The following AKT3 variants were observed in gnomAD, a reference collection of about 807,000 sequenced individuals.
AKT3 encodes the protein RAC-gamma serine/threonine-protein kinase.
A neutral mutation model predicts 65.3 loss-of-function variants in AKT3; 15 were observed. That is an observed-to-expected ratio of 0.23 (90% CI 0.15 to 0.35). The LOEUF (loss-of-function observed/expected upper bound fraction) is 0.35. Among genes scored for constraint, AKT3 ranks in the 10% least tolerant of loss-of-function variants. The pLI is 1.00. For missense variants in AKT3, 243 were observed against 576.5 expected, an observed-to-expected ratio of 0.42 and a Z score of 5.92; for synonymous variants, 206 against 183.8, an observed-to-expected ratio of 1.12 and a Z score of -0.98.
chr1:243,802,304 C>T (rs940940263), intron 2 of AKT3, among the ~76,000 whole-genome samples: 1 of 152,156 alleles, frequency 6.6e-6, no homozygotes, highest in African/African-American at 2.4e-5. Context: ...CTCTACGCTA[C>T]ATGACATGGT....
At chr1:243,573,322 G>C (rs1353994724) in intron 8 of AKT3, among the ~76,000 whole-genome samples, 1 of 152,022 alleles carries the variant, frequency 6.6e-6, no homozygotes, top group Non-Finnish European at 1.5e-5. Context: ...AGAGGAAAAA[G>C]GTATGCATCA....
chr1:243,637,219 T>C lies in AKT3; in HGVS notation c.561+392A>G, dbSNP rs531732324. Among the ~76,000 whole-genome samples the C allele has an allele frequency of 2.6e-5, 4 of 152,230 alleles. No individual in the cohort carries two copies. The South Asian group carries it at 8.3e-4, about 32-fold the overall frequency. ...CAAATCTATTTAGGATGTTTTTCCA[T>C]TCAATGTTATATAAGCTTTAGAATT... is the stretch of plus-strand genomic sequence containing the variant. On this transcript the variant is annotated intron_variant, in intron 6 of 13. Coordinates refer to ENST00000673466, the MANE Select transcript of AKT3 (RefSeq NM_005465.7).
At chr1:243,586,537 T>A (rs1675824429) in intron 8 of AKT3, among the ~76,000 whole-genome samples, 1 of 152,140 alleles carries the variant, frequency 6.6e-6, no homozygotes, top group Non-Finnish European at 1.5e-5. Context: ...CATGGAATAC[T>A]ATGCAGTCGT....
chr1:243,770,461 CT>C (rs1690107830), intron 2 of AKT3, among the ~76,000 whole-genome samples: 2 of 152,154 alleles, frequency 1.3e-5, no homozygotes, highest in South Asian at 4.1e-4. Flanking sequence ...TAGTATCATA[CT>C]TTTTTTCAAG....
At chr1:243,830,587 T>C (rs1304573925) in intron 2 of AKT3, among the ~76,000 whole-genome samples, 6 of 152,154 alleles carry the variant, frequency 3.9e-5, no homozygotes, top group Admixed American at 2.6e-4. Context: ...TGCTCAGAGC[T>C]GTTAAATAAT....
chr1:243,778,946 A>G (rs1690735153), intron 2 of AKT3, among the ~76,000 whole-genome samples: 1 of 151,250 alleles, frequency 6.6e-6, no homozygotes, highest in African/African-American at 2.4e-5. Flanking sequence ...CACTGAATGG[A>G]CCTCATCCTA....
intron 2 of AKT3, among the ~76,000 whole-genome samples, chr1:243,799,786 A>G (rs536877537): frequency 1.6e-4 from 24 of 152,344 alleles, no homozygotes; most frequent in Non-Finnish European, 2.9e-4. Flanking sequence ...AAATGTCTCT[A>G]ATTTTTAAAC....
chr1:243,756,796 GTACCTC>G (rs1558783009), intron 2 of AKT3, among the ~76,000 whole-genome samples: 2 of 152,136 alleles, frequency 1.3e-5, no homozygotes, highest in African/African-American at 4.8e-5. Flanking sequence ...GGACAAAAGA[GTACCTC>G]TACAGTGGAG....
Position 243,532,246 on chromosome 1 carries a change from T to G in AKT3, c.1251+13264A>C, listed in dbSNP as rs923062190. ...TTGAATATAATGTGAGCTGAGGGTT[T>G]TCCAAACTATAGAAATGATCCCTTA... is the stretch of plus-strand genomic sequence containing the variant. On this transcript the variant is annotated intron_variant, in intron 12 of 13. Coordinates refer to ENST00000673466, the MANE Select transcript of AKT3 (RefSeq NM_005465.7). 2.6e-5 allele frequency among the ~76,000 whole-genome samples: 4 copies of G among 152,208 alleles called. No homozygotes were observed. The South Asian group carries it at 8.3e-4, about 32-fold the overall frequency.
intron 2 of AKT3, among the ~76,000 whole-genome samples, chr1:243,711,503 A>T (rs1009420474): frequency 6.6e-6 from 1 of 152,220 alleles, no homozygotes; most frequent in Non-Finnish European, 1.5e-5. Context: ...AGGTTCCAAG[A>T]AACAACCTTC....
chr1:243,658,977 C>T (rs1558691636), intron 4 of AKT3, among the ~76,000 whole-genome samples: 1 of 151,818 alleles, frequency 6.6e-6, no homozygotes, highest in Non-Finnish European at 1.5e-5. Flanking sequence ...CTGCAGTAAG[C>T]CATGATCACA....
At chr1:243,843,578 A>T in intron 1 of AKT3, 3 of 1,016,740 alleles carry the variant, frequency 3.0e-6, no homozygotes, top group Non-Finnish European at 3.5e-6. Context: ...GGTGATGTGT[A>T]TTTGAGGTGA....
chr1:243,746,349 T>C (rs2148193569), intron 2 of AKT3, among the ~76,000 whole-genome samples: 1 of 152,360 alleles, frequency 6.6e-6, no homozygotes, highest in African/African-American at 2.4e-5. Context: ...TGTCTTTACA[T>C]TTCAATGAGC....
chr1:243,794,098 G>A lies in AKT3; in HGVS notation c.46+49027C>T, dbSNP rs527287365. Among the ~76,000 whole-genome samples, 456 of 152,258 alleles carry A rather than the reference G, an allele frequency of 3.0e-3. 4 individuals are homozygous for A. Among genetic ancestry groups the A allele is most frequent in the African/African-American group, 0.01 (416 of 41,540 alleles). On this transcript the variant is annotated intron_variant, in intron 2 of 13. Coordinates refer to ENST00000673466, the MANE Select transcript of AKT3 (RefSeq NM_005465.7). ...GGGTACAGTGCAGTAGCACGATCATGGCTCAGCTCACTGCAGCCTCAACCT... is the reference window on the plus strand; with the variant it reads ...GGGTACAGTGCAGTAGCACGATCATAGCTCAGCTCACTGCAGCCTCAACCT...
chr1:243,621,124 T>C (rs930273078), intron 6 of AKT3, among the ~76,000 whole-genome samples: 1 of 152,170 alleles, frequency 6.6e-6, no homozygotes, highest in African/African-American at 2.4e-5. Context: ...CTGGTAGGTA[T>C]ACTTAAATGT....
chr1:243,495,720 C>G (rs1380121599), downstream of AKT3, among the ~76,000 whole-genome samples: 7 of 152,214 alleles, frequency 4.6e-5, no homozygotes, highest in African/African-American at 1.2e-4. Context: ...TGCTCGAAGG[C>G]CGCGTTTCCC....
In AKT3 at chr1:243,823,845, T is replaced by C. The variant is rs528116417; in HGVS notation, c.46+19280A>G. Among the ~76,000 whole-genome samples the C allele has an allele frequency of 2.0e-5, 3 of 152,320 alleles. No homozygotes were observed. In the South Asian group the frequency reaches 6.2e-4, roughly 32 times the overall value. Reference sequence around the variant, plus strand: ...TGGTCATACTGCCTAAAATAATTTATAGATTCAATACTATTCCCATTGAAC... The same window carrying C: ...TGGTCATACTGCCTAAAATAATTTACAGATTCAATACTATTCCCATTGAAC... On this transcript the variant is annotated intron_variant, in intron 2 of 13. Coordinates refer to ENST00000673466, the MANE Select transcript of AKT3 (RefSeq NM_005465.7).
intron 8 of AKT3, among the ~76,000 whole-genome samples, chr1:243,575,031 T>C (rs1216619397): frequency 1.3e-5 from 2 of 152,130 alleles, no homozygotes; most frequent in African/African-American, 4.8e-5. Context: ...TATTTAAGGG[T>C]AAGAATTTAC....
In AKT3 at chr1:243,777,500, T is replaced by A. The variant is rs1235831734; in HGVS notation, c.46+65625A>T. Among the ~76,000 whole-genome samples, 3 of 152,172 alleles carry A rather than the reference T, an allele frequency of 2.0e-5. No individual in the cohort carries two copies. The South Asian group carries it at 6.2e-4, about 31-fold the overall frequency. On this transcript the variant is annotated intron_variant, in intron 2 of 13. Transcript: ENST00000673466. ...CAATGCAGTCAAAACAGGATACAGTTATTAATAACATTTGGAAGGAATTTA... is the reference window on the plus strand; with the variant it reads ...CAATGCAGTCAAAACAGGATACAGTAATTAATAACATTTGGAAGGAATTTA...
Sources: gnomAD v4.1 joint callset for allele counts (sites outside exome capture counted in the v4.1 genomes callset) on GRCh38, gnomAD v4.1.1 for gene constraint, MANE v1.5 for transcripts, NCBI Gene and HGNC (gene_info 2026-07-23, HGNC 2026-07-21) for gene names.